Variants in CLCN1 observed in about 807,000 individuals in gnomAD.
CLCN1 encodes the protein chloride channel protein 1.
A neutral mutation model predicts 114.5 loss-of-function variants in CLCN1; 100 were observed. That is an observed-to-expected ratio of 0.87 (90% CI 0.74 to 1.03). The LOEUF is 1.03. CLCN1 is among the 50% of genes least tolerant of loss of function. CLCN1 has a pLI of 0.00. For synonymous variants in CLCN1, 485 were observed against 487.1 expected (o/e 1.00, Z 0.06); for missense variants, 1,188 against 1,250.0 (o/e 0.95, Z 0.75).
intron 1 of CLCN1, among the ~76,000 whole-genome samples, chr7:143,318,975 C>G (rs1404268706): frequency 6.6e-6 from 1 of 152,164 alleles, no homozygotes; most frequent in African/African-American, 2.4e-5. Context: ...GACCCTGGCC[C>G]CAGAGGACAG....
At position 143,351,813 on chromosome 7, in the gene CLCN1, C is replaced by G. The variant is rs574104250; in HGVS notation, c.2815C>G (p.Pro939Ala). The G allele has an allele frequency of 2.2e-5, 36 of 1,613,982 alleles. No homozygotes were observed. The highest frequency in any genetic ancestry group is 2.9e-5 in the Non-Finnish European group (34 of 1,179,988). ...TPVPSPSPEP[P>A]LSLAPGKVEG... The stretch of plus-strand genomic sequence containing the variant: ...TGTGCCATCTCCTTCCCCAGAGCCC[C>G]CTCTCTCCCTGGCCCCAGGCAAGGT... Residue 939 changes from proline (P) to alanine (A), a missense_variant, in exon 23 of 23, where the codon CCT becomes GCT. By Grantham distance (27) the Pro-to-Ala change is conservative (BLOSUM62 -1). Transcript: ENST00000343257.
At chr7:143,340,934 C>T (rs1286945169) in intron 14 of CLCN1, among the ~76,000 whole-genome samples, 3 of 152,190 alleles carry the variant, frequency 2.0e-5, no homozygotes, top group Admixed American at 6.5e-5. Context: ...GCACAAAGGA[C>T]TATTTTGGTT....
intron 9 of CLCN1, 88 bp downstream of exon 9, chr7:143,331,404 C>CCAAGCTAGATA: frequency 8.5e-7 from 1 of 1,173,802 alleles, no homozygotes; most frequent in Non-Finnish European, 1.3e-6. Flanking sequence ...AAAGAAGGTG[C>CCAAGCTAGATA]GGTTGGCACA....
Position 143,351,958 on chromosome 7 carries a change from T to A in CLCN1, c.2960T>A (p.Ile987Asn). The change falls in exon 23 of 23, where the codon ATC (isoleucine) becomes AAC (asparagine). Residue 987 changes from isoleucine (I) to asparagine (N), a missense_variant. Coordinates refer to ENST00000343257, the MANE Select transcript of CLCN1 (RefSeq NM_000083.3). ...STDEEDEDEL[I>N]L ...GACGAGGAGGATGAGGATGAACTGA[T>A]CCTTTGACCCCCTCCCACGACCTCC... 6.2e-7 allele frequency: 1 copy of A among 1,612,582 alleles called. No homozygotes were observed. The highest frequency in any genetic ancestry group is 8.5e-7 in the Non-Finnish European group (1 of 1,180,026).
Position 143,332,449 on chromosome 7 carries a change from T to A in CLCN1, c.1197T>A (p.Phe399Leu). The A allele has an allele frequency of 6.2e-7, 1 of 1,614,170 alleles. No individual in the cohort carries two copies. Among genetic ancestry groups the A allele is most frequent in the Non-Finnish European group, 8.5e-7 (1 of 1,180,020 alleles). The change falls in exon 11 of 23, where the codon TTT (phenylalanine) becomes TTA (leucine). Residue 399 changes from phenylalanine to leucine, a missense_variant. Physicochemically the swap from Phe to Leu is conservative, Grantham distance 22 (BLOSUM62 0). Transcript: ENST00000343257. ...HRLLYPGIVT[F>L]VIASFTFPPG... Reference sequence around the variant, plus strand: ...TGCTGTATCCTGGAATTGTTACCTTTGTCATTGCCTCATTCACCTTCCCAC... The same window carrying A: ...TGCTGTATCCTGGAATTGTTACCTTAGTCATTGCCTCATTCACCTTCCCAC...
chr7:143,342,342 G>T (rs373391529), intron 15 of CLCN1, 30 bp from the exon 16 acceptor site: 119 of 1,612,990 alleles, frequency 7.4e-5, no homozygotes, highest in Non-Finnish European at 9.6e-5. Flanking sequence ...ATACGGTGGG[G>T]CTAACCCACC....
Position 143,332,507 on chromosome 7 carries a change from A to C in CLCN1, c.1251+4A>C. ...GGGTCAATTCATGGCTGGAGAGGTC[A>C]GCTGTTGGTGGGGCCACATGGTAAA... On this transcript the variant is annotated splice_donor_region_variant and intron_variant, in intron 11 of 22. Transcript: ENST00000343257. 2.5e-6 allele frequency: 4 copies of C among 1,611,634 alleles called. No individual in the cohort carries two copies. Among genetic ancestry groups the C allele is most frequent in the Non-Finnish European group, 3.4e-6 (4 of 1,177,674 alleles).
rs797005644 is a variant in CLCN1 at position 143,336,623 on chromosome 7, A to AG, written c.1402-2630_1402-2629insG. ...CTCTGTCAAAAAAAAAAAAAAAAAAAAAGAAGAAGAAGAAAAAAAAAGGAA... is the reference window on the plus strand; with the variant it reads ...CTCTGTCAAAAAAAAAAAAAAAAAAAGAAGAAGAAGAAGAAAAAAAAAGGAA... On this transcript the variant is annotated intron_variant, in intron 12 of 22. Coordinates refer to ENST00000343257, the MANE Select transcript of CLCN1 (RefSeq NM_000083.3). Among the ~76,000 whole-genome samples, 40 of 116,152 alleles carry AG rather than the reference A, an allele frequency of 3.4e-4. 2 individuals carry two copies. The highest frequency in any genetic ancestry group is 2.3e-4 in the East Asian group (1 of 4,400). 76.2% of individuals were successfully genotyped at this position (116,152 alleles called of 152,430 possible). A position where few individuals can be genotyped will look rare whatever the true frequency, so the allele number is the denominator to read the frequency against.
chr7:143,328,988 G>GCC (rs1802650271), intron 7 of CLCN1, among the ~76,000 whole-genome samples: 1 of 125,630 alleles, frequency 8.0e-6, no homozygotes. Flanking sequence ...TTTTTTTCAA[G>GCC]ATGGAGTCTT....
chr7:143,331,029 C>G (rs1013781919), intron 8 of CLCN1, 132 bp downstream of exon 8: 1 of 1,358,066 alleles, frequency 7.4e-7, no homozygotes, highest in South Asian at 1.2e-5. Flanking sequence ...GACCAAGGCC[C>G]AAGGGTGTAT....
rs1803007427 is a variant in CLCN1 at position 143,339,190 on chromosome 7, A to G, written c.1402-63A>G. 3 of 1,023,922 alleles carry G rather than the reference A, an allele frequency of 2.9e-6. No homozygotes were observed. Among genetic ancestry groups the G allele is most frequent in the Admixed American group, 1.7e-5 (1 of 59,260 alleles). The allele number at this position is 1,023,922 out of a possible 1,614,324, so 63.4% of individuals were successfully genotyped here. A position where few individuals can be genotyped will look rare whatever the true frequency, so the allele number is the denominator to read the frequency against. ...CAGAAAGGAGGATAGTGGGAAGGGA[A>G]TTGTGTGTGCATGTCTATTGGGCAG... On this transcript the variant is annotated intron_variant, in intron 12 of 22. Coordinates refer to ENST00000343257, the MANE Select transcript of CLCN1 (RefSeq NM_000083.3). The surrounding 1 kb of genome is among the most constrained non-coding windows in gnomAD (Gnocchi z 4.1).
At chr7:143,346,082 C>A (rs568272437) in intron 17 of CLCN1, 58 bp from the exon 18 acceptor site, 5 of 1,115,680 alleles carry the variant, frequency 4.5e-6, no homozygotes, top group South Asian at 3.7e-5. Context: ...CTGGTAAAGG[C>A]AGTGAAGGCC....
intron 1 of CLCN1, among the ~76,000 whole-genome samples, chr7:143,318,885 G>A (rs551873245): frequency 2.6e-5 from 4 of 152,320 alleles, no homozygotes; most frequent in African/African-American, 9.6e-5. Context: ...TCAGGACTGC[G>A]GTGTAAAATG....
At position 143,328,984 on chromosome 7, in the gene CLCN1, T is replaced by C. The variant is rs367693123; in HGVS notation, c.854-1788T>C. Among the ~76,000 whole-genome samples, 88 of 146,468 alleles carry C rather than the reference T, an allele frequency of 6.0e-4. 1 individual carries two copies. Among genetic ancestry groups the C allele is most frequent in the African/African-American group, 2.0e-3 (81 of 40,024 alleles). ...TTTCTTTCTTTCTTTTTTTTTTTTT[T>C]CAAGATGGAGTCTTGCTCTGTCACC... On this transcript the variant is annotated intron_variant, in intron 7 of 22. Coordinates refer to ENST00000343257, the MANE Select transcript of CLCN1 (RefSeq NM_000083.3).
chr7:143,324,422 C>G lies in CLCN1; in HGVS notation c.783C>G (p.Tyr261Ter), dbSNP rs1285179667. ...TGTCTCTCCCCTAGTAGCAGCCATA[C>G]TACTACTCTGATATCCTGACGGTGG... ...SVFCGVYEQP[Y>*]YYSDILTVGC... The change falls in exon 7 of 23, where the codon TAC (tyrosine) becomes TAG (stop). Residue 261 changes from tyrosine (Y) to a stop codon, truncating the protein, a stop_gained. Transcript: ENST00000343257. LOFTEE classifies it high-confidence loss of function. This position sits in a 1 kb window ranked among gnomAD's most constrained non-coding sequence, Gnocchi z 4.6. The G allele has an allele frequency of 1.2e-6, 2 of 1,613,612 alleles. No individual in the cohort carries two copies.
At chr7:143,343,481 T>C (rs1040795115) in intron 16 of CLCN1, among the ~76,000 whole-genome samples, 1 of 152,246 alleles carries the variant, frequency 6.6e-6, no homozygotes, top group South Asian at 2.1e-4. Flanking sequence ...TTTGTTGCTC[T>C]TTGCATGTTT....
rs1232912512 is a variant in CLCN1, at chr7:143,346,593, A to G, written c.2299A>G (p.Ile767Val). 2.5e-6 allele frequency: 4 copies of G among 1,613,712 alleles called. No homozygotes were observed. The highest frequency in any genetic ancestry group is 3.3e-5 in the Admixed American group (2 of 60,018). The change falls in exon 19 of 23, where the codon ATC (isoleucine) becomes GTC (valine). Residue 767 changes from isoleucine to valine, a missense_variant. Physicochemically the swap from Ile to Val is conservative, Grantham distance 29 (BLOSUM62 3). Coordinates refer to ENST00000343257, the MANE Select transcript of CLCN1 (RefSeq NM_000083.3). ...APEPAGQRPSIFQSLLHCLLG... is the reference protein window; with the variant it reads ...APEPAGQRPSVFQSLLHCLLG... ...TGTCCTCTCAGGTCAAAGACCCTCC[A>G]TCTTCCAGTCCCTGCTTCACTGCTT...
intron 12 of CLCN1, 94 bp downstream of exon 12, chr7:143,332,967 A>T: frequency 7.4e-7 from 1 of 1,355,860 alleles, no homozygotes; most frequent in East Asian, 2.3e-5. Context: ...GTAGAACTTC[A>T]TTTGGTCTTC....
At chr7:143,320,553 TTCTCTCTC>T (rs59572880) in intron 2 of CLCN1, 103 bp from the exon 3 acceptor site, 442 of 674,222 alleles carry the variant, frequency 6.6e-4, no homozygotes, top group Non-Finnish European at 7.9e-4. Context: ...TTAGCTGCTT[TTCTCTCTC>T]TCTCTCTCTC....
Sources: allele counts gnomAD v4.1 joint callset (sites outside exome capture counted in the v4.1 genomes callset), GRCh38; gene constraint gnomAD v4.1.1; non-coding constraint Gnocchi (gnomAD v3.1); transcripts MANE v1.5; gene names NCBI Gene and HGNC (gene_info 2026-07-23, HGNC 2026-07-21).